Variants in DNAH9 observed in about 807,000 individuals in gnomAD.
The protein encoded by DNAH9 is DNAH9 variant protein.
DNAH9 carries 345 observed loss-of-function variants against 471.6 expected under a neutral mutation model. That is an observed-to-expected ratio of 0.73 (90% CI 0.67 to 0.80). DNAH9 has a LOEUF of 0.80. DNAH9 is among the 30% of genes least tolerant of loss of function. The probability of loss-of-function intolerance (pLI) is 0.00; values close to 1 mark genes in which losing one functional copy is unlikely to be tolerated. For missense variants in DNAH9, 5,407 were observed against 5,609.2 expected (o/e 0.96, Z 1.15); for synonymous variants, 2,093 against 2,123.6 (o/e 0.99, Z 0.40).
At chr17:11,921,835 G>A (rs1307180050) in intron 61 of DNAH9, among the ~76,000 whole-genome samples, 1 of 152,158 alleles carries the variant, frequency 6.6e-6, no homozygotes, top group Non-Finnish European at 1.5e-5. Flanking sequence ...GCTCTGCAGT[G>A]CTAAACTTTG....
intron 35 of DNAH9, among the ~76,000 whole-genome samples, chr17:11,758,280 T>G (rs1218556895): frequency 6.6e-6 from 1 of 152,240 alleles, no homozygotes; most frequent in Non-Finnish European, 1.5e-5. Flanking sequence ...TTAATCACTC[T>G]TGACCAAGAG....
rs75369026 is a variant in DNAH9, at chr17:11,811,719, G to A, written c.8707+1350G>A. On this transcript the variant is annotated intron_variant, in intron 45 of 68. Coordinates refer to ENST00000262442, the MANE Select transcript of DNAH9 (RefSeq NM_001372.4). The stretch of plus-strand genomic sequence containing the variant: ...ACCTAGGACGAAGTCTTTCATATTT[G>A]GAGAAATCCCAATAATCTGGCAATA... 8.8e-3 allele frequency among the ~76,000 whole-genome samples: 1,334 copies of A among 151,992 alleles called. 30 individuals carry two copies. The highest frequency in any genetic ancestry group is 0.05 in the Admixed American group (768 of 15,252).
intron 59 of DNAH9, 50 bp from the exon 60 acceptor site, chr17:11,902,669 A>T (rs745440978): frequency 6.4e-7 from 1 of 1,557,082 alleles, no homozygotes; most frequent in East Asian, 2.2e-5. Context: ...CACAATGCAA[A>T]TGACAGCTTT....
intron 19 of DNAH9, among the ~76,000 whole-genome samples, chr17:11,686,661 C>G (rs538862620): frequency 6.6e-6 from 1 of 152,028 alleles, no homozygotes; most frequent in Non-Finnish European, 1.5e-5. Context: ...AAAATTATGC[C>G]GCAGGGTGGA....
chr17:11,642,398 G>A (rs949963959), intron 10 of DNAH9, among the ~76,000 whole-genome samples: 1 of 151,686 alleles, frequency 6.6e-6, no homozygotes, highest in African/African-American at 2.4e-5. Flanking sequence ...AATTAGCCAG[G>A]TGTGGTGGGG....
At chr17:11,808,564 G>A (rs1969774778) in intron 44 of DNAH9, among the ~76,000 whole-genome samples, 1 of 152,186 alleles carries the variant, frequency 6.6e-6, no homozygotes, top group African/African-American at 2.4e-5. Flanking sequence ...AGAAGAGGGA[G>A]GTGCTCACTT....
At chr17:11,744,738 A>G in intron 30 of DNAH9, 59 bp from the exon 31 acceptor site, 1 of 1,459,124 alleles carries the variant, frequency 6.9e-7, no homozygotes, top group Non-Finnish European at 9.4e-7. Flanking sequence ...TTCTGCAGAC[A>G]CTCACCCCAG....
intron 8 of DNAH9, among the ~76,000 whole-genome samples, chr17:11,635,711 C>T (rs1024084355): frequency 6.6e-6 from 1 of 152,116 alleles, no homozygotes; most frequent in South Asian, 2.1e-4. Flanking sequence ...ATGGAAGAAA[C>T]ACAGTCTAGG....
At chr17:11,643,787 T>G (rs2073324995) in intron 10 of DNAH9, among the ~76,000 whole-genome samples, 2 of 152,354 alleles carry the variant, frequency 1.3e-5, no homozygotes, top group South Asian at 2.1e-4. Flanking sequence ...ATCAATACAC[T>G]CTATGGTCCA....
In DNAH9 at chr17:11,894,358, T is replaced by C. The variant is rs759146186; in HGVS notation, c.11284-16T>C. The C allele has an allele frequency of 6.2e-6, 10 of 1,613,478 alleles. No individual in the cohort carries two copies. The Admixed American group carries it at 1.5e-4, about 24-fold the overall frequency. On this transcript the variant is annotated splice_polypyrimidine_tract_variant and intron_variant, in intron 58 of 68. Transcript: ENST00000262442. ...TACAAGCTAAAGAAATGCAGTATCA[T>C]TTCTCCACATTGCAGATTCTCCTCA...
chr17:11,609,397 A>C (rs2072579903), intron 2 of DNAH9, among the ~76,000 whole-genome samples: 1 of 152,226 alleles, frequency 6.6e-6, no homozygotes, highest in African/African-American at 2.4e-5. Context: ...TTTATATTTT[A>C]ACTTTGTAAC....
At chr17:11,923,778 C>A in intron 61 of DNAH9, 36 bp from the exon 62 acceptor site, 1 of 1,609,294 alleles carries the variant, frequency 6.2e-7, no homozygotes, top group Non-Finnish European at 8.5e-7. Context: ...TCATTAGACA[C>A]AAGAAATAAT....
chr17:11,962,085 G>A lies in DNAH9; in HGVS notation c.13062G>A (p.Ser4354=), dbSNP rs768129965. ...TGACAGGCTTCTTCAACCCCCAGTC[G>A]TTCCTGACTGCCATCATGCAGTCCA... ...VWLTGFFNPQ[S]FLTAIMQSTA... Residue 4354 remains serine (S), a synonymous_variant, in exon 68 of 69, where the codon TCG becomes TCA. Transcript: ENST00000262442. This position sits in a 1 kb window ranked among gnomAD's most constrained non-coding sequence, Gnocchi z 4.1. 40 of 1,613,980 alleles carry A rather than the reference G, an allele frequency of 2.5e-5. 2 individuals are homozygous for A. The highest frequency in any genetic ancestry group is 1.7e-4 in the Admixed American group (10 of 59,988).
intron 19 of DNAH9, among the ~76,000 whole-genome samples, chr17:11,688,321 T>C (rs944044220): frequency 6.6e-6 from 1 of 151,892 alleles, no homozygotes; most frequent in Non-Finnish European, 1.5e-5. Context: ...AGGTGTCGAG[T>C]GCAAGCCCAG....
At chr17:11,957,899 A>G (rs948919325) in intron 67 of DNAH9, among the ~76,000 whole-genome samples, 5 of 152,204 alleles carry the variant, frequency 3.3e-5, no homozygotes, top group African/African-American at 1.2e-4. Flanking sequence ...CCTTACAACT[A>G]TAAATATACC....
intron 56 of DNAH9, 147 bp downstream of exon 56, chr17:11,883,897 T>C (rs1972803562): frequency 1.1e-6 from 1 of 924,756 alleles, no homozygotes; most frequent in Non-Finnish European, 1.6e-6. Flanking sequence ...TTCTAGAAAG[T>C]CTACCTAGGC....
chr17:11,773,688 T>C (rs755524867), intron 38 of DNAH9, among the ~76,000 whole-genome samples: 1 of 152,226 alleles, frequency 6.6e-6, no homozygotes, highest in Non-Finnish European at 1.5e-5. Flanking sequence ...GAATAGAGAA[T>C]TATTTAAACC....
At position 11,960,725 on chromosome 17, in the gene DNAH9, C is replaced by T. The variant is rs556171646; in HGVS notation, c.12844-1142C>T. Among the ~76,000 whole-genome samples the T allele has an allele frequency of 1.7e-4, 26 of 152,034 alleles. No homozygotes were observed. The East Asian group carries it at 4.5e-3, about 26-fold the overall frequency. ...AGTGAGCAGAGATTGCGCCCCTGCACTCCCGCCTGGGTGACAGAGCAAGAC... is the reference window on the plus strand; with the variant it reads ...AGTGAGCAGAGATTGCGCCCCTGCATTCCCGCCTGGGTGACAGAGCAAGAC... On this transcript the variant is annotated intron_variant, in intron 67 of 68. Transcript: ENST00000262442.
intron 35 of DNAH9, among the ~76,000 whole-genome samples, chr17:11,762,770 G>GTTTTTTTTGTTTTTTTTTT (rs1555584658): frequency 2.2e-5 from 2 of 90,744 alleles, no homozygotes; most frequent in Non-Finnish European, 4.4e-5. Context: ...TTTTTTTTTT[G>GTTTTTTTTGTTTTTTTTTT]TTTTTTTTTT....
Sources: allele counts gnomAD v4.1 joint callset (sites outside exome capture counted in the v4.1 genomes callset), GRCh38; gene constraint gnomAD v4.1.1; non-coding constraint Gnocchi (gnomAD v3.1); transcripts MANE v1.5; gene names NCBI Gene and HGNC (gene_info 2026-07-23, HGNC 2026-07-21).